Variants in GABRG2 observed in about 807,000 individuals in gnomAD.
The protein encoded by GABRG2 is gamma-aminobutyric acid type A receptor subunit gamma2.
GABRG2 carries 16 observed loss-of-function variants against 56.4 expected under a neutral mutation model. The ratio of observed to expected loss-of-function variants is 0.28; its 90% confidence interval spans 0.19 to 0.43. The LOEUF (loss-of-function observed/expected upper bound fraction) is 0.43. GABRG2 is among the 20% of genes least tolerant of loss of function. GABRG2 has a pLI of 1.00. For synonymous variants in GABRG2, 208 were observed against 205.5 expected (o/e 1.01, Z -0.10); for missense variants, 327 against 582.7 (o/e 0.56, Z 4.52).
At chr5:162,091,515 G>A (rs1013348947) in intron 1 of GABRG2, among the ~76,000 whole-genome samples, 4 of 152,080 alleles carry the variant, frequency 2.6e-5, no homozygotes, top group Non-Finnish European at 5.9e-5. Context: ...CCCCAAAGTT[G>A]TTAACAGTAA....
At chr5:162,106,444 T>C (rs1761833252) in intron 6 of GABRG2, among the ~76,000 whole-genome samples, 2 of 152,192 alleles carry the variant, frequency 1.3e-5, no homozygotes, top group Non-Finnish European at 2.9e-5. Context: ...AAAGGCAGGC[T>C]GATTTCTGTG....
intron 1 of GABRG2, among the ~76,000 whole-genome samples, chr5:162,071,423 T>C (rs1393682287): frequency 6.6e-6 from 1 of 151,784 alleles, no homozygotes; most frequent in South Asian, 2.1e-4. Context: ...CAAGGATAAA[T>C]TGAGCAGAAA....
At chr5:162,121,531 G>A (rs1762978935) in intron 6 of GABRG2, among the ~76,000 whole-genome samples, 1 of 151,964 alleles carries the variant, frequency 6.6e-6, no homozygotes, top group South Asian at 2.1e-4. Flanking sequence ...TTGAAACATT[G>A]TATAAATTAT....
At chr5:162,093,061 T>C (rs1163490476) in intron 1 of GABRG2, among the ~76,000 whole-genome samples, 1 of 152,144 alleles carries the variant, frequency 6.6e-6, no homozygotes, top group Non-Finnish European at 1.5e-5. Flanking sequence ...GGGTTTCTGA[T>C]AGGTTTGGGC....
At chr5:162,075,167 A>G (rs900794519) in intron 1 of GABRG2, among the ~76,000 whole-genome samples, 3 of 152,180 alleles carry the variant, frequency 2.0e-5, no homozygotes, top group Non-Finnish European at 4.4e-5. Flanking sequence ...CCTTCTTAGC[A>G]GTGTACCACA....
intron 7 of GABRG2, among the ~76,000 whole-genome samples, chr5:162,148,461 C>T (rs1025466918): frequency 1.3e-5 from 2 of 152,196 alleles, no homozygotes; most frequent in African/African-American, 2.4e-5. Flanking sequence ...TCAATCAGAG[C>T]ATGTCACTTA....
intron 2 of GABRG2, 40 bp downstream of exon 2, chr5:162,094,019 A>G (rs1760813793): frequency 4.4e-6 from 7 of 1,601,662 alleles, no homozygotes; most frequent in Non-Finnish European, 6.0e-6. Context: ...AGATAGGAGC[A>G]CATAAACATG....
intron 6 of GABRG2, among the ~76,000 whole-genome samples, chr5:162,106,076 C>G (rs1012258283): frequency 6.6e-6 from 1 of 152,050 alleles, no homozygotes; most frequent in Non-Finnish European, 1.5e-5. Context: ...TACCACCTCC[C>G]CAATGTCTCG....
chr5:162,095,199 A>T (rs1275829364), intron 2 of GABRG2, among the ~76,000 whole-genome samples: 1 of 152,176 alleles, frequency 6.6e-6, no homozygotes, highest in East Asian at 1.9e-4. Flanking sequence ...TGAGAGAAAG[A>T]TGGAGAAAAG....
chr5:162,146,628 G>C (rs1371591451), intron 7 of GABRG2, among the ~76,000 whole-genome samples: 1 of 151,156 alleles, frequency 6.6e-6, no homozygotes, highest in Non-Finnish European at 1.5e-5. Flanking sequence ...AACATTTATT[G>C]AGTCCCAGCA....
At position 162,154,527 on chromosome 5, in the gene GABRG2, T is replaced by C. The variant is rs1765588779; in HGVS notation, c.*1159T>C. ...CAAGTGATATTTGATTTTGTAAAAA[T>C]AACCAGTAGGATCCAAAGAACTTTA... is the stretch of plus-strand genomic sequence containing the variant. On this transcript the variant is annotated 3_prime_UTR_variant, in exon 10 of 10. Transcript: ENST00000639213. 6.6e-6 allele frequency: 1 copy of C among 152,176 alleles called. No individual in the cohort carries two copies. Among genetic ancestry groups the C allele is most frequent in the South Asian group, 2.1e-4 (1 of 4,830 alleles). The allele number at this position is 152,176 out of a possible 1,614,324, so 9.4% of individuals were successfully genotyped here.
intron 1 of GABRG2, among the ~76,000 whole-genome samples, chr5:162,078,927 C>A (rs1243306863): frequency 6.6e-6 from 1 of 151,290 alleles, no homozygotes; most frequent in Non-Finnish European, 1.5e-5. Flanking sequence ...TACAACCTTT[C>A]AGTCACATTG....
rs1761410696 is a variant in GABRG2 at position 162,101,449 on chromosome 5, G to A, written c.631+132G>A. The stretch of plus-strand genomic sequence containing the variant: ...TTATGTTACTGACTTCGATGATTTT[G>A]ACCATCTCTTTCATCTTAATCCCAG... On this transcript the variant is annotated intron_variant, in intron 5 of 9. Transcript: ENST00000639213. 8 of 735,724 alleles carry A rather than the reference G, an allele frequency of 1.1e-5. No homozygotes were observed. The Admixed American group carries it at 1.6e-4, about 15-fold the overall frequency. 45.6% of individuals were successfully genotyped at this position (735,724 alleles called of 1,614,324 possible).
At chr5:162,077,564 T>A (rs1759236268) in intron 1 of GABRG2, among the ~76,000 whole-genome samples, 1 of 152,244 alleles carries the variant, frequency 6.6e-6, no homozygotes, top group Admixed American at 6.5e-5. Flanking sequence ...TTTCAATGTA[T>A]GACAGTTTAA....
In GABRG2 at chr5:162,116,110, A is replaced by T. The variant is rs12520033; in HGVS notation, c.769+12084A>T. 3.1e-5 allele frequency among the ~76,000 whole-genome samples: 4 copies of T among 127,150 alleles called. No homozygotes were observed. The East Asian group carries it at 9.1e-4, about 29-fold the overall frequency. The allele number at this position is 127,150 out of a possible 152,430, so 83.4% of individuals were successfully genotyped here. On this transcript the variant is annotated intron_variant, in intron 6 of 9. Coordinates refer to ENST00000639213, the MANE Select transcript of GABRG2 (RefSeq NM_198904.4). ...ATTAAACACCAAGGGGTGTGCGTGC[A>T]TGTGTGTGTGTGTGTGTGTGTGTGT...
At chr5:162,109,731 G>A (rs1057054017) in intron 6 of GABRG2, among the ~76,000 whole-genome samples, 3 of 152,126 alleles carry the variant, frequency 2.0e-5, no homozygotes, top group Admixed American at 1.3e-4. Context: ...TGCTCATTGT[G>A]TTCTCTAAGC....
At chr5:162,117,959 C>T (rs568908691) in intron 6 of GABRG2, among the ~76,000 whole-genome samples, 40 of 152,174 alleles carry the variant, frequency 2.6e-4, no homozygotes, top group African/African-American at 7.9e-4. Flanking sequence ...CCGTGTTACG[C>T]GCTTCACTAG....
intron 1 of GABRG2, among the ~76,000 whole-genome samples, chr5:162,073,095 A>G (rs1758804261): frequency 1.3e-5 from 2 of 151,944 alleles, no homozygotes; most frequent in African/African-American, 4.8e-5. Context: ...AATAGAATCT[A>G]CAACAGATAC....
intron 6 of GABRG2, among the ~76,000 whole-genome samples, chr5:162,121,203 G>C (rs1418376790): frequency 6.6e-6 from 1 of 152,078 alleles, no homozygotes; most frequent in African/African-American, 2.4e-5. Context: ...TATTCATCTA[G>C]AGTCAGTTGT....
Sources: allele counts gnomAD v4.1 joint callset (sites outside exome capture counted in the v4.1 genomes callset), GRCh38; gene constraint gnomAD v4.1.1; transcripts MANE v1.5; gene names NCBI Gene and HGNC (gene_info 2026-07-23, HGNC 2026-07-21).